Variants in TSGA10 observed in about 807,000 individuals in gnomAD.
TSGA10 encodes the protein testis specific 10, also known as testis-specific gene 10 protein.
TSGA10 carries 43 observed loss-of-function variants against 96.6 expected under a neutral mutation model. That is an observed-to-expected ratio of 0.44 (90% CI 0.35 to 0.57). The LOEUF (loss-of-function observed/expected upper bound fraction) is 0.57. Ranked by LOEUF, TSGA10 falls within the 20% of genes least tolerant of loss-of-function variation. The pLI, the probability that TSGA10 is intolerant of heterozygous loss-of-function variation, is 0.01. For synonymous variants in TSGA10, 229 were observed against 269.9 expected (o/e 0.85, Z 1.48); for missense variants, 703 against 834.4 (o/e 0.84, Z 1.94).
intron 17 of TSGA10, among the ~76,000 whole-genome samples, chr2:99,030,715 T>C (rs1259129238): frequency 1.3e-5 from 2 of 152,052 alleles, no homozygotes; most frequent in East Asian, 1.9e-4. Flanking sequence ...AAGGAACACG[T>C]TGACAATGAC....
At chr2:99,133,028 A>G (rs1215647129) in intron 1 of TSGA10, among the ~76,000 whole-genome samples, 1 of 152,160 alleles carries the variant, frequency 6.6e-6, no homozygotes, top group African/African-American at 2.4e-5. Context: ...CAATTTTAGA[A>G]TAAGTGTGAT....
chr2:99,080,691 C>G (rs2087351413), intron 11 of TSGA10, among the ~76,000 whole-genome samples: 1 of 152,078 alleles, frequency 6.6e-6, no homozygotes. Flanking sequence ...TATATAATAG[C>G]AAGTGTTAAC....
intron 12 of TSGA10, among the ~76,000 whole-genome samples, chr2:99,073,991 GTTTCT>G (rs2086295023): frequency 2.3e-5 from 1 of 44,364 alleles, no homozygotes; most frequent in Non-Finnish European, 5.0e-5. Context: ...TTCTGTTCCT[GTTTCT>G]TTTCTTTTTT....
At chr2:99,017,243 T>C (rs1251768534) in intron 20 of TSGA10, among the ~76,000 whole-genome samples, 1 of 152,290 alleles carries the variant, frequency 6.6e-6, no homozygotes, top group East Asian at 1.9e-4. Context: ...TGCAAAAATA[T>C]GGAACCAGCC....
At chr2:99,136,608 T>C in intron 1 of TSGA10, among the ~76,000 whole-genome samples, 1 of 83,286 alleles carries the variant, frequency 1.2e-5, no homozygotes, top group African/African-American at 3.4e-5. Flanking sequence ...CCATCCCGGC[T>C]AAAACGGTGA....
At chr2:99,003,025 A>G (rs1379028415) in intron 20 of TSGA10, among the ~76,000 whole-genome samples, 2 of 152,010 alleles carry the variant, frequency 1.3e-5, no homozygotes, top group Admixed American at 6.6e-5. Flanking sequence ...TGCCCGGCTA[A>G]TTTTTGTATT....
At chr2:99,058,950 T>C (rs1052744745) in intron 16 of TSGA10, among the ~76,000 whole-genome samples, 8 of 150,840 alleles carry the variant, frequency 5.3e-5, no homozygotes, top group Admixed American at 1.3e-4. Context: ...GGCAGGAGAA[T>C]TGCTTGACCC....
At chr2:99,094,901 G>T (rs1398001914) in intron 10 of TSGA10, among the ~76,000 whole-genome samples, 1 of 152,124 alleles carries the variant, frequency 6.6e-6, no homozygotes, top group Non-Finnish European at 1.5e-5. Context: ...ACTACTGAGT[G>T]TCTACCCAGA....
At chr2:99,014,290 A>G (rs1279183757) in intron 20 of TSGA10, among the ~76,000 whole-genome samples, 1 of 152,024 alleles carries the variant, frequency 6.6e-6, no homozygotes, top group Non-Finnish European at 1.5e-5. Context: ...AGCCGAGATC[A>G]TGCCACTGCA....
chr2:99,103,727 GT>G (rs2091027152), intron 10 of TSGA10, among the ~76,000 whole-genome samples: 3 of 152,292 alleles, frequency 2.0e-5, no homozygotes, highest in African/African-American at 7.2e-5. Flanking sequence ...AAAAGTTGAA[GT>G]TTTTTACAAA....
At chr2:99,132,894 T>C (rs1293469145) in intron 1 of TSGA10, among the ~76,000 whole-genome samples, 2 of 152,218 alleles carry the variant, frequency 1.3e-5, no homozygotes, top group Admixed American at 6.5e-5. Flanking sequence ...TTCTATACAG[T>C]TGCGTGATTT....
intron 16 of TSGA10, among the ~76,000 whole-genome samples, chr2:99,044,389 C>A (rs2082528490): frequency 6.7e-6 from 1 of 148,422 alleles, no homozygotes; most frequent in African/African-American, 2.5e-5. Context: ...CAATTTTAAT[C>A]TCTGATAAAA....
rs923653988 is a variant in TSGA10, at chr2:99,018,324, G to A, written c.1948C>T (p.Arg650Cys). ...ERERAVQELRRQNYSSNAYHM... is the reference protein window; with the variant it reads ...ERERAVQELRCQNYSSNAYHM... ...TAAGCATTACTTGAATAATTTTGGCGGCGAAGTTCTTGTACGGCCCTCTCC... is the reference window on the plus strand; with the variant it reads ...TAAGCATTACTTGAATAATTTTGGCAGCGAAGTTCTTGTACGGCCCTCTCC... The change falls in exon 20 of 21, where the codon CGC (arginine) becomes TGC (cysteine). Residue 650 changes from arginine (R) to cysteine (C), a missense_variant. Arg to Cys is a radical substitution (Grantham distance 180, BLOSUM62 -3). Coordinates refer to ENST00000393483, the MANE Select transcript of TSGA10 (RefSeq NM_025244.4). 20 of 1,613,872 alleles carry A rather than the reference G, an allele frequency of 1.2e-5. No homozygotes were observed. The highest frequency in any genetic ancestry group is 8.0e-5 in the African/African-American group (6 of 74,874).
intron 9 of TSGA10, 82 bp from the exon 10 acceptor site, chr2:99,104,200 A>C (rs2104803239): frequency 6.7e-7 from 1 of 1,499,298 alleles, no homozygotes; most frequent in Middle Eastern, 1.8e-4. Context: ...CCCTCTGTAC[A>C]AACTGGTTTA....
chr2:99,079,708 T>G (rs1438814656), intron 11 of TSGA10, among the ~76,000 whole-genome samples: 2 of 152,180 alleles, frequency 1.3e-5, no homozygotes, highest in African/African-American at 2.4e-5. Context: ...GTGATCTTTA[T>G]TAGCTCTCAA....
chr2:99,151,447 G>A (rs2093692658), intron 1 of TSGA10: 1 of 93,692 alleles, frequency 1.1e-5, no homozygotes, highest in Non-Finnish European at 1.9e-5. Context: ...TGGGCAACAA[G>A]AGCAAAACTC....
intron 1 of TSGA10, among the ~76,000 whole-genome samples, chr2:99,143,550 AC>A (rs2093600574): frequency 6.7e-6 from 1 of 149,826 alleles, no homozygotes; most frequent in Admixed American, 6.7e-5. Flanking sequence ...AGCTCACTGC[AC>A]CCTCCACCTT....
intron 17 of TSGA10, among the ~76,000 whole-genome samples, chr2:99,034,654 A>T (rs958292382): frequency 6.6e-6 from 1 of 152,046 alleles, no homozygotes; most frequent in Admixed American, 6.5e-5. Context: ...AGAGCTCCTG[A>T]GTATCTCCTT....
chr2:99,077,636 A>C (rs1021493424), intron 12 of TSGA10, among the ~76,000 whole-genome samples: 2 of 152,030 alleles, frequency 1.3e-5, no homozygotes, highest in African/African-American at 4.8e-5. Flanking sequence ...ATCTCGGCTC[A>C]CTGCAAGCTC....
Sources: gnomAD v4.1 joint callset for allele counts (sites outside exome capture counted in the v4.1 genomes callset) on GRCh38, gnomAD v4.1.1 for gene constraint, MANE v1.5 for transcripts, NCBI Gene and HGNC (gene_info 2026-07-23, HGNC 2026-07-21) for gene names.